MARCHF1: variants seen among roughly 807,000 people sequenced by gnomAD.
The protein encoded by MARCHF1 is E3 ubiquitin-protein ligase MARCHF1.
Under a neutral mutation model 54.2 loss-of-function variants are expected in MARCHF1, and 40 were observed. That is an observed-to-expected ratio of 0.74 (90% CI 0.57 to 0.96). MARCHF1 has a LOEUF of 0.96. Among genes scored for constraint, MARCHF1 ranks in the 40% least tolerant of loss-of-function variants. The pLI is 0.00. For synonymous variants in MARCHF1, 236 were observed against 236.3 expected (o/e 1.00, Z 0.01); for missense variants, 586 against 656.5 (o/e 0.89, Z 1.17).
chr4:164,370,443 A>G (rs1262563703), intron 1 of MARCHF1, among the ~76,000 whole-genome samples: 1 of 152,228 alleles, frequency 6.6e-6, no homozygotes, highest in East Asian at 1.9e-4. Context: ...GACCAGAGGA[A>G]TTAATTCCCT....
At position 163,692,363 on chromosome 4, in the gene MARCHF1, T is replaced by C. The variant is rs1028245919; in HGVS notation, c.162+8450A>G. On this transcript the variant is annotated intron_variant, in intron 5 of 9. Coordinates refer to ENST00000514618, the MANE Select transcript of MARCHF1 (RefSeq NM_001394959.1). ...AGTAGCAAAGGAAATAGGTCCTCACTGATAAAGTGGTATTTGAGTAGAAAT... is the reference window on the plus strand; with the variant it reads ...AGTAGCAAAGGAAATAGGTCCTCACCGATAAAGTGGTATTTGAGTAGAAAT... Among the ~76,000 whole-genome samples, 6 of 152,250 alleles carry C rather than the reference T, an allele frequency of 3.9e-5. No individual in the cohort carries two copies. The South Asian group carries it at 1.2e-3, about 32-fold the overall frequency.
intron 4 of MARCHF1, among the ~76,000 whole-genome samples, chr4:163,707,090 G>A (rs1744969427): frequency 6.6e-6 from 1 of 152,016 alleles, no homozygotes; most frequent in East Asian, 1.9e-4. Flanking sequence ...TATAATCATG[G>A]AGTCCTGATG....
At chr4:163,942,152 C>T (rs949267220) in intron 3 of MARCHF1, among the ~76,000 whole-genome samples, 2 of 152,174 alleles carry the variant, frequency 1.3e-5, no homozygotes, top group African/African-American at 4.8e-5. Flanking sequence ...TTACAGCCTG[C>T]TTTTATAAAA....
At chr4:164,128,814 A>G (rs562583179) in intron 1 of MARCHF1, among the ~76,000 whole-genome samples, 48 of 152,230 alleles carry the variant, frequency 3.2e-4, no homozygotes, top group African/African-American at 1.1e-3. Flanking sequence ...TTCTCATTCT[A>G]CTGGGCACCA....
intron 4 of MARCHF1, among the ~76,000 whole-genome samples, chr4:163,739,519 A>G (rs1746136983): frequency 6.6e-6 from 1 of 152,212 alleles, no homozygotes; most frequent in African/African-American, 2.4e-5. Flanking sequence ...AGTATGCCAT[A>G]TCTTTAATAA....
At chr4:163,799,571 A>G (rs1411877692) in intron 4 of MARCHF1, among the ~76,000 whole-genome samples, 1 of 152,110 alleles carries the variant, frequency 6.6e-6, no homozygotes. Context: ...ACATATACCC[A>G]CTTACAAATA....
intron 1 of MARCHF1, among the ~76,000 whole-genome samples, chr4:164,206,440 A>G (rs1731609310): frequency 6.6e-6 from 1 of 152,190 alleles, no homozygotes; most frequent in South Asian, 2.1e-4. Context: ...TCAGTCATAA[A>G]TAAATAAATA....
intron 2 of MARCHF1, among the ~76,000 whole-genome samples, chr4:164,030,000 T>C (rs1196627685): frequency 6.6e-6 from 1 of 152,204 alleles, no homozygotes; most frequent in Non-Finnish European, 1.5e-5. Context: ...AGTAAAAAAT[T>C]GACAACAGTC....
chr4:164,035,957 A>T (rs1355080583), intron 2 of MARCHF1, among the ~76,000 whole-genome samples: 1 of 146,516 alleles, frequency 6.8e-6, no homozygotes, highest in African/African-American at 2.5e-5. Context: ...AAAAAAATTA[A>T]CCAGGCATGG....
intron 3 of MARCHF1, among the ~76,000 whole-genome samples, chr4:163,903,610 T>C (rs1750988740): frequency 6.6e-6 from 1 of 152,058 alleles, no homozygotes; most frequent in Non-Finnish European, 1.5e-5. Context: ...TTTCTTTCTT[T>C]CTTTCTTTCT....
intron 1 of MARCHF1, among the ~76,000 whole-genome samples, chr4:164,206,592 T>A (rs7691336): frequency 0.2 from 29,822 of 152,106 alleles, 3,397 homozygotes; most frequent in African/African-American, 0.28. Flanking sequence ...AATTTGGAAG[T>A]GCTTTGTTAC....
intron 1 of MARCHF1, chr4:164,197,095 T>C (rs1170004358): frequency 4.4e-6 from 7 of 1,606,614 alleles, no homozygotes; most frequent in Non-Finnish European, 6.0e-6. Flanking sequence ...ACCTTCTTCA[T>C]CCTCCTCGTC....
At chr4:163,656,406 A>T (rs1014574338) in intron 5 of MARCHF1, among the ~76,000 whole-genome samples, 1 of 152,070 alleles carries the variant, frequency 6.6e-6, no homozygotes, top group African/African-American at 2.4e-5. Context: ...AAATTGAGGC[A>T]GTAATTAATA....
At chr4:163,946,872 C>T (rs1752036534) in intron 3 of MARCHF1, among the ~76,000 whole-genome samples, 2 of 152,164 alleles carry the variant, frequency 1.3e-5, no homozygotes, top group Admixed American at 6.5e-5. Flanking sequence ...TGAAATATCA[C>T]TGCAACAATT....
At chr4:164,052,147 GT>G (rs35280070) in intron 2 of MARCHF1, among the ~76,000 whole-genome samples, 1,840 of 148,850 alleles carry the variant, frequency 0.012, 37 homozygotes, top group African/African-American at 0.044. Context: ...TTTTTTTTTT[GT>G]TTTTTTTGTA....
intron 3 of MARCHF1, among the ~76,000 whole-genome samples, chr4:163,861,630 A>G (rs1043398572): frequency 6.6e-6 from 1 of 152,126 alleles, no homozygotes; most frequent in Non-Finnish European, 1.5e-5. Flanking sequence ...AAGACTCAAC[A>G]TTGTTAACAT....
intron 1 of MARCHF1, among the ~76,000 whole-genome samples, chr4:164,292,030 T>C (rs1283463858): frequency 2.6e-5 from 4 of 152,150 alleles, no homozygotes; most frequent in African/African-American, 9.7e-5. Flanking sequence ...TGTCAACCAA[T>C]AGAGATTTTT....
chr4:163,966,834 T>C lies in MARCHF1; in HGVS notation c.-39+21667A>G, dbSNP rs143030303. On this transcript the variant is annotated intron_variant, in intron 3 of 9. Coordinates refer to ENST00000514618, the MANE Select transcript of MARCHF1 (RefSeq NM_001394959.1). Reference sequence around the variant, plus strand: ...TAGAGCTCCAGCAGGAAAGTCACACTTGCAAATCTACCAAAAACTAGCGTG... The same window carrying C: ...TAGAGCTCCAGCAGGAAAGTCACACCTGCAAATCTACCAAAAACTAGCGTG... 2.9e-3 allele frequency among the ~76,000 whole-genome samples: 440 copies of C among 152,220 alleles called. 1 individual carries two copies. The highest frequency in any genetic ancestry group is 1.0e-2 in the African/African-American group (414 of 41,542).
intron 5 of MARCHF1, among the ~76,000 whole-genome samples, chr4:163,679,236 T>C (rs189722851): frequency 3.3e-5 from 5 of 152,266 alleles, no homozygotes; most frequent in Admixed American, 6.5e-5. Flanking sequence ...TCTCAACAGA[T>C]CACTAGATTT....
Sources: gnomAD v4.1 joint callset for allele counts (sites outside exome capture counted in the v4.1 genomes callset) on GRCh38, gnomAD v4.1.1 for gene constraint, MANE v1.5 for transcripts, NCBI Gene and HGNC (gene_info 2026-07-23, HGNC 2026-07-21) for gene names.